Variants in ITGA9 observed in about 807,000 individuals in gnomAD.
The protein encoded by ITGA9 is integrin alpha-9.
In ITGA9, 56 loss-of-function variants were observed where a neutral mutation model predicts 127.8. The ratio of observed to expected loss-of-function variants is 0.44; its 90% CI spans 0.35 to 0.55. The LOEUF is 0.55. Ranked by LOEUF, ITGA9 falls within the 20% of genes least tolerant of loss-of-function variation. ITGA9 has a pLI of 0.00. For synonymous variants in ITGA9, 508 were observed against 514.5 expected, an observed-to-expected ratio of 0.99 and a Z score of 0.17; for missense variants, 1,196 against 1,347.1, an observed-to-expected ratio of 0.89 and a Z score of 1.76.
intron 18 of ITGA9, among the ~76,000 whole-genome samples, chr3:37,710,913 T>A (rs952113807): frequency 1.3e-5 from 2 of 152,302 alleles, no homozygotes; most frequent in African/African-American, 2.4e-5. Context: ...TAACACCCAC[T>A]GTATTAGTTA....
chr3:37,505,243 A>G (rs1489180680), intron 6 of ITGA9, among the ~76,000 whole-genome samples: 1 of 152,274 alleles, frequency 6.6e-6, no homozygotes, highest in African/African-American at 2.4e-5. Flanking sequence ...CTAATTCTGT[A>G]TCTGTAAAAT....
intron 16 of ITGA9, among the ~76,000 whole-genome samples, chr3:37,641,068 G>T (rs1036473712): frequency 2.0e-5 from 3 of 152,146 alleles, no homozygotes; most frequent in African/African-American, 7.2e-5. Flanking sequence ...TCCCGTCTCT[G>T]CAGGCCCGTG....
chr3:37,586,605 C>T (rs1372082702), intron 15 of ITGA9, among the ~76,000 whole-genome samples: 1 of 152,216 alleles, frequency 6.6e-6, no homozygotes, highest in African/African-American at 2.4e-5. Flanking sequence ...GCTTTGCGGC[C>T]TTCAGTATCA....
At position 37,790,364 on chromosome 3, in the gene ITGA9, A is replaced by G. The variant is rs545618791; in HGVS notation, c.2889+5286A>G. The G allele has an allele frequency of 1.6e-5, 8 of 511,962 alleles. No homozygotes were observed. In the East Asian group the frequency reaches 2.2e-4, roughly 14 times the overall value. The allele number at this position is 511,962 out of a possible 1,614,324, so 31.7% of individuals were successfully genotyped here. A position where few individuals can be genotyped will look rare whatever the true frequency, so the allele number is the denominator to read the frequency against. ...GTAGAGGGGTGCCTGGGAGCAGGAG[A>G]GGGCTTCATCTTGCTGATTTCCCAT... On this transcript the variant is annotated intron_variant, in intron 26 of 27. Coordinates refer to ENST00000264741, the MANE Select transcript of ITGA9 (RefSeq NM_002207.3).
intron 15 of ITGA9, among the ~76,000 whole-genome samples, chr3:37,604,506 G>A (rs142313880): frequency 6.6e-6 from 1 of 152,232 alleles, no homozygotes; most frequent in Admixed American, 6.5e-5. Context: ...TTCCTTGTGA[G>A]ATCAGACACA....
intron 8 of ITGA9, among the ~76,000 whole-genome samples, chr3:37,512,028 CTTTCTTTCTTT>C (rs1188780849): frequency 1.6e-4 from 4 of 24,290 alleles, no homozygotes; most frequent in African/African-American, 2.2e-4. Context: ...CTTTTCTTTT[CTTTCTTTCTTT>C]CTTTCTTTCT....
chr3:37,780,937 A>G (rs1696969440), intron 25 of ITGA9, among the ~76,000 whole-genome samples: 1 of 152,230 alleles, frequency 6.6e-6, no homozygotes, highest in Non-Finnish European at 1.5e-5. Flanking sequence ...AGATAATGCC[A>G]GGGTAAAATA....
chr3:37,547,057 T>C (rs887307090), intron 15 of ITGA9, among the ~76,000 whole-genome samples: 4 of 152,124 alleles, frequency 2.6e-5, no homozygotes, highest in African/African-American at 9.7e-5. Context: ...CCAGGCAGAG[T>C]GCAGGGGCAG....
rs138598228 is a variant in ITGA9, at chr3:37,700,092, T to G, written c.2067+16077T>G. ...TCCGCCTCCCTGGTTCAAGCAATTC[T>G]CCTCCTCAACCTCCCAAGTAGCTGG... On this transcript the variant is annotated intron_variant, in intron 18 of 27. Transcript: ENST00000264741. Among the ~76,000 whole-genome samples, 55 of 152,170 alleles carry G rather than the reference T, an allele frequency of 3.6e-4. No individual in the cohort carries two copies. The East Asian group carries it at 0.01, about 28-fold the overall frequency.
chr3:37,652,629 G>A (rs1331940465), intron 16 of ITGA9, among the ~76,000 whole-genome samples: 2 of 152,180 alleles, frequency 1.3e-5, no homozygotes, highest in African/African-American at 4.8e-5. Context: ...ACACTCTGAG[G>A]TGCTGCCTGG....
At chr3:37,766,540 A>G (rs1247387525) in intron 23 of ITGA9, among the ~76,000 whole-genome samples, 1 of 152,208 alleles carries the variant, frequency 6.6e-6, no homozygotes, top group African/African-American at 2.4e-5. Flanking sequence ...AAGGGAACTA[A>G]TAAAGCAATA....
At chr3:37,561,368 G>A (rs1699486064) in intron 15 of ITGA9, among the ~76,000 whole-genome samples, 1 of 152,174 alleles carries the variant, frequency 6.6e-6, no homozygotes, top group Non-Finnish European at 1.5e-5. Flanking sequence ...CAGGTCTAGT[G>A]TCGAACCTCC....
At chr3:37,618,153 T>A (rs1350021559) in intron 15 of ITGA9, among the ~76,000 whole-genome samples, 1 of 152,250 alleles carries the variant, frequency 6.6e-6, no homozygotes. Flanking sequence ...GTGGATGTGC[T>A]TTCTGTTTGT....
chr3:37,578,132 G>A (rs1040550644), intron 15 of ITGA9, among the ~76,000 whole-genome samples: 3 of 152,110 alleles, frequency 2.0e-5, no homozygotes, highest in African/African-American at 7.2e-5. Context: ...CAGTTGAGAG[G>A]TACAAGAAAT....
chr3:37,464,124 T>A (rs1396123342), intron 1 of ITGA9, among the ~76,000 whole-genome samples: 1 of 127,522 alleles, frequency 7.8e-6, no homozygotes, highest in African/African-American at 3.0e-5. Flanking sequence ...TGAGTGTGTG[T>A]GTGTGTGTGT....
intron 18 of ITGA9, among the ~76,000 whole-genome samples, chr3:37,718,502 A>C (rs530572339): frequency 3.9e-5 from 6 of 152,258 alleles, no homozygotes; most frequent in African/African-American, 1.4e-4. Context: ...TCTAGGTCTC[A>C]ATCTCTTAAC....
At chr3:37,587,619 T>G (rs1278106548) in intron 15 of ITGA9, among the ~76,000 whole-genome samples, 3 of 152,122 alleles carry the variant, frequency 2.0e-5, no homozygotes, top group African/African-American at 7.2e-5. Flanking sequence ...ATTCACCAGT[T>G]CCTACAAGGT....
intron 1 of ITGA9, among the ~76,000 whole-genome samples, chr3:37,460,448 T>C (rs756582468): frequency 6.6e-6 from 1 of 152,304 alleles, no homozygotes; most frequent in African/African-American, 2.4e-5. Flanking sequence ...AAGAGTATAA[T>C]TGAATCACTT....
At chr3:37,474,059 C>T (rs1002873754) in intron 3 of ITGA9, among the ~76,000 whole-genome samples, 1 of 152,156 alleles carries the variant, frequency 6.6e-6, no homozygotes, top group African/African-American at 2.4e-5. Context: ...GTAGTTCATT[C>T]CTGTTTATCT....
Sources: allele counts gnomAD v4.1 joint callset (sites outside exome capture counted in the v4.1 genomes callset), GRCh38; gene constraint gnomAD v4.1.1; transcripts MANE v1.5; gene names NCBI Gene and HGNC (gene_info 2026-07-23, HGNC 2026-07-21).